The following RGS3 variants were observed in gnomAD, a reference collection of about 807,000 sequenced individuals.
RGS3 encodes the protein regulator of G-protein signalling 3.
Under a neutral mutation model 132.6 loss-of-function variants are expected in RGS3, and 80 were observed. That is an observed-to-expected ratio of 0.60 (90% CI 0.50 to 0.73). The LOEUF (loss-of-function observed/expected upper bound fraction) is 0.73, where lower values mean the gene tolerates loss of function less well. Among genes scored for constraint, RGS3 ranks in the 30% least tolerant of loss-of-function variants. RGS3 has a pLI of 0.00. For missense variants in RGS3, 1,382 were observed against 1,530.8 expected (o/e 0.90, Z 1.62); for synonymous variants, 598 against 620.6 (o/e 0.96, Z 0.54).
In RGS3 at chr9:113,594,389, G is replaced by A. The variant is rs201815715; in HGVS notation, c.3081-41G>A. On this transcript the variant is annotated intron_variant, in intron 21 of 24. Transcript: ENST00000350696. ...CGACTCTGGATTTGCAGGGGCGAGTGGGCCAGGCTGAGCAACCCTCTTTTC... is the reference window on the plus strand; with the variant it reads ...CGACTCTGGATTTGCAGGGGCGAGTAGGCCAGGCTGAGCAACCCTCTTTTC... 95 of 1,609,422 alleles carry A rather than the reference G, an allele frequency of 5.9e-5. No individual in the cohort carries two copies. In the East Asian group the frequency reaches 1.6e-3, roughly 26 times the overall value.
intron 19 of RGS3, among the ~76,000 whole-genome samples, chr9:113,554,599 G>T (rs899774931): frequency 6.6e-6 from 1 of 152,204 alleles, no homozygotes; most frequent in African/African-American, 2.4e-5. Context: ...GAGCCACTGC[G>T]TCCAGCCTCA....
At chr9:113,514,553 T>C (rs1173770433) in exon 15 of RGS3, 3 of 1,614,070 alleles carry the variant, frequency 1.9e-6, no homozygotes, top group Non-Finnish European at 2.5e-6. Flanking sequence ...CCACGGGAAC[T>C]ACCAAAACTG....
Position 113,506,144 on chromosome 9 carries a change from A to G in RGS3, c.980-244A>G, listed in dbSNP as rs12341490. Among the ~76,000 whole-genome samples the G allele has an allele frequency of 0.086, 13,105 of 151,988 alleles. 651 individuals carry two copies. The highest frequency in any genetic ancestry group is 0.096 in the Non-Finnish European group (6,556 of 67,942). ...TAGAAGGGTGGACTGCAGAGAGGTA[A>G]GCCAGCAGTAGGGGAGGTAAGCCAG... On this transcript the variant is annotated intron_variant, in intron 11 of 24. Coordinates refer to ENST00000350696, the Ensembl canonical transcript of RGS3. The surrounding 1 kb of genome is among the most constrained non-coding windows in gnomAD (Gnocchi z 4.7).
chr9:113,503,957 A>G (rs1013126997), intron 10 of RGS3, among the ~76,000 whole-genome samples: 1 of 151,534 alleles, frequency 6.6e-6, no homozygotes, highest in Non-Finnish European at 1.5e-5. Flanking sequence ...TTTTCCCAGA[A>G]TTCTTATGGG....
chr9:113,575,877 C>T lies in RGS3; in HGVS notation c.2038-7573C>T, dbSNP rs186265411. ...TCCGTTAAGAACCAATAGTCTAGGT[C>T]GGTGTTTTTCAAACTTTAATGTGCA... On this transcript the variant is annotated intron_variant, in intron 19 of 24. Transcript: ENST00000350696. 8.5e-5 allele frequency among the ~76,000 whole-genome samples: 13 copies of T among 152,244 alleles called. No individual in the cohort carries two copies. The East Asian group carries it at 9.6e-4, about 11-fold the overall frequency.
intron 7 of RGS3, among the ~76,000 whole-genome samples, chr9:113,494,961 A>G (rs552284521): frequency 6.6e-6 from 1 of 151,502 alleles, no homozygotes; most frequent in African/African-American, 2.4e-5. Flanking sequence ...CTGCAACTCC[A>G]CCTCCTGGTT....
At position 113,485,620 on chromosome 9, in the gene RGS3, C is replaced by A; in HGVS notation, c.621-5C>A. ...AACACTCCGATGGTCTGATTGATTT[C>A]GCAGTCCTGTCCAAGAGGAGGATGA... is the stretch of plus-strand genomic sequence containing the variant. On this transcript the variant is annotated splice_region_variant and splice_polypyrimidine_tract_variant and intron_variant, in intron 6 of 24. Transcript: ENST00000350696. 1 of 1,592,534 alleles carries A rather than the reference C, an allele frequency of 6.3e-7. No homozygotes were observed.
chr9:113,530,509 G>C (rs561589415), intron 18 of RGS3, among the ~76,000 whole-genome samples: 102 of 152,360 alleles, frequency 6.7e-4, no homozygotes, highest in Middle Eastern at 6.8e-3. Context: ...AGCCAAGCAA[G>C]CAGAGAGGAG....
exon 20 of RGS3, chr9:113,583,998 T>C (rs1188237260): frequency 6.2e-7 from 1 of 1,614,032 alleles, no homozygotes; most frequent in Admixed American, 1.7e-5. Context: ...TCCGGCTGGA[T>C]AGCACCTACA....
Position 113,473,553 on chromosome 9 carries a change from T to TA in RGS3, c.416-5931dup, listed in dbSNP as rs144327216. Among the ~76,000 whole-genome samples the TA allele has an allele frequency of 7.4e-4, 112 of 152,178 alleles. 1 individual carries two copies. The East Asian group carries it at 0.021, about 29-fold the overall frequency. Reference sequence around the variant, plus strand: ...ACACACCACCACGTCCGGCTAATTTTAAAAAAACGTTTTTGGAGAGACAGA... The same window carrying TA: ...ACACACCACCACGTCCGGCTAATTTTAAAAAAAACGTTTTTGGAGAGACAGA... On this transcript the variant is annotated intron_variant, in intron 3 of 24. Coordinates refer to ENST00000350696, the Ensembl canonical transcript of RGS3.
At chr9:113,590,843 G>C (rs1835384648) in intron 20 of RGS3, among the ~76,000 whole-genome samples, 1 of 152,170 alleles carries the variant, frequency 6.6e-6, no homozygotes, top group Non-Finnish European at 1.5e-5. Flanking sequence ...AAGCTATAAG[G>C]CAAGAGAGGT....
intron 1 of RGS3, among the ~76,000 whole-genome samples, chr9:113,452,951 T>C (rs1017701055): frequency 1.5e-5 from 2 of 136,576 alleles, no homozygotes; most frequent in African/African-American, 5.4e-5. Context: ...TATATTTATA[T>C]ATGATATATA....
intron 3 of RGS3, among the ~76,000 whole-genome samples, chr9:113,472,058 C>A (rs924254962): frequency 2.0e-5 from 3 of 151,920 alleles, no homozygotes; most frequent in Admixed American, 6.6e-5. Flanking sequence ...AAATGCAAAT[C>A]AAAACCACAA....
intron 19 of RGS3, among the ~76,000 whole-genome samples, chr9:113,553,824 C>G (rs1215004046): frequency 1.3e-5 from 2 of 151,988 alleles, no homozygotes; most frequent in East Asian, 3.9e-4. Context: ...GCCTGGGCGA[C>G]AAGAGAGAAA....
chr9:113,464,549 G>A (rs1829564698), intron 3 of RGS3, among the ~76,000 whole-genome samples: 1 of 152,172 alleles, frequency 6.6e-6, no homozygotes, highest in Admixed American at 6.5e-5. Flanking sequence ...CTTCCTGGTA[G>A]CCATAGTAAA....
chr9:113,583,973 T>C (rs1349355049), exon 20 of RGS3: 3 of 1,613,900 alleles, frequency 1.9e-6, no homozygotes, highest in South Asian at 1.1e-5. Context: ...AGGCCAGCCT[T>C]CGTGATCCCT....
intron 3 of RGS3, among the ~76,000 whole-genome samples, chr9:113,475,312 AG>A (rs1357305863): frequency 6.6e-6 from 1 of 152,182 alleles, no homozygotes; most frequent in East Asian, 1.9e-4. Flanking sequence ...GATGACTTCA[AG>A]CCCTTTAGCC....
chr9:113,481,659 TCCCACCGGTC>T (rs956037654), intron 4 of RGS3, among the ~76,000 whole-genome samples: 1 of 152,132 alleles, frequency 6.6e-6, no homozygotes, highest in Non-Finnish European at 1.5e-5. Context: ...CTTCATCCCT[TCCCACCGGTC>T]CCCACTCCTT....
intron 18 of RGS3, among the ~76,000 whole-genome samples, chr9:113,530,021 A>G (rs898251194): frequency 2.0e-4 from 31 of 152,348 alleles, no homozygotes; most frequent in Admixed American, 5.9e-4. Context: ...TGAATTTTCT[A>G]TTCACTGCAG....
Sources: gnomAD v4.1 joint callset for allele counts (sites outside exome capture counted in the v4.1 genomes callset) on GRCh38, gnomAD v4.1.1 for gene constraint, Gnocchi (gnomAD v3.1) non-coding constraint, MANE v1.5 for transcripts, NCBI Gene and HGNC (gene_info 2026-07-23, HGNC 2026-07-21) for gene names.